The following BRD10 variants were observed in gnomAD, a reference collection of about 807,000 sequenced individuals.
BRD10 encodes the protein bromodomain containing 10.
the BRD10 span, chr9:5,920,897 C>G: frequency 1.9e-6 from 3 of 1,613,926 alleles, no homozygotes; most frequent in South Asian, 3.3e-5. Context: ...ACTTGATGAG[C>G]AAAGTCTATT....
chr9:5,917,156 T>C, the BRD10 span, among the ~76,000 whole-genome samples: 2 of 152,248 alleles, frequency 1.3e-5, no homozygotes, highest in Non-Finnish European at 2.9e-5. Context: ...ATAAGGTTCC[T>C]GAAATTAAAT....
chr9:5,977,915 T>A, the BRD10 span, among the ~76,000 whole-genome samples: 1 of 152,216 alleles, frequency 6.6e-6, no homozygotes, highest in African/African-American at 2.4e-5. Flanking sequence ...TATTCTCATT[T>A]AAAAAATTTA....
the BRD10 span, among the ~76,000 whole-genome samples, chr9:5,940,484 C>T: frequency 2.6e-5 from 4 of 152,146 alleles, no homozygotes; most frequent in East Asian, 1.9e-4. Context: ...TGAGCCACCG[C>T]GCCTGGCCTA....
At chr9:5,879,716 T>C in the BRD10 span, among the ~76,000 whole-genome samples, 3 of 152,158 alleles carry the variant, frequency 2.0e-5, no homozygotes, top group Non-Finnish European at 2.9e-5. Context: ...TGGAAGGAAA[T>C]GCAGAGATAC....
chr9:5,908,829 T>C, the BRD10 span: 4 of 899,312 alleles, frequency 4.4e-6, no homozygotes, highest in African/African-American at 5.0e-5. Flanking sequence ...CCATCTCTAA[T>C]AATAAGTCAG....
the BRD10 span, among the ~76,000 whole-genome samples, chr9:5,954,945 GGGT>G: frequency 3.3e-5 from 5 of 151,902 alleles, no homozygotes; most frequent in African/African-American, 1.2e-4. Context: ...AAAATTAGCC[GGGT>G]GTGGTGGTGC....
chr9:5,952,505 CTGA>C, the BRD10 span, among the ~76,000 whole-genome samples: 1 of 152,168 alleles, frequency 6.6e-6, no homozygotes, highest in Non-Finnish European at 1.5e-5. Context: ...TGTAATTGTG[CTGA>C]TTTCTTTTCT....
At chr9:6,001,217 T>A in the BRD10 span, among the ~76,000 whole-genome samples, 1 of 152,222 alleles carries the variant, frequency 6.6e-6, no homozygotes, top group Admixed American at 6.5e-5. Context: ...TATCTCTTGA[T>A]GGAATTAACT....
At chr9:5,964,923 G>C in the BRD10 span, among the ~76,000 whole-genome samples, 2 of 124,416 alleles carry the variant, frequency 1.6e-5, no homozygotes, top group African/African-American at 6.0e-5. Context: ...GGGGGAGGGG[G>C]GAGGGAGAGC....
the BRD10 span, among the ~76,000 whole-genome samples, chr9:5,960,971 T>G: frequency 6.6e-6 from 1 of 152,222 alleles, no homozygotes; most frequent in South Asian, 2.1e-4. Flanking sequence ...GTATGTATAG[T>G]ATAATCCTAT....
chr9:5,991,724 TAAAAAAA>T, the BRD10 span, among the ~76,000 whole-genome samples: 1 of 118,000 alleles, frequency 8.5e-6, no homozygotes, highest in Non-Finnish European at 1.8e-5. Context: ...GACTCTGTCT[TAAAAAAA>T]AAAAAAAAAA....
the BRD10 span, chr9:5,892,696 G>A: frequency 3.1e-6 from 2 of 639,624 alleles, no homozygotes; most frequent in East Asian, 2.9e-5. Context: ...AAGGGGAGGA[G>A]ATTCTGTGCT....
At chr9:5,915,389 A>G in the BRD10 span, among the ~76,000 whole-genome samples, 2 of 152,170 alleles carry the variant, frequency 1.3e-5, no homozygotes, top group Admixed American at 6.5e-5. Flanking sequence ...ATCTAACTTC[A>G]CAGCAATCCT....
chr9:5,972,539 T>C, the BRD10 span, among the ~76,000 whole-genome samples: 1 of 150,314 alleles, frequency 6.7e-6, no homozygotes, highest in Non-Finnish European at 1.5e-5. Context: ...GGTCCCATTC[T>C]CACTGCAGTG....
At chr9:6,007,515 C>T in the BRD10 span, 5 of 1,612,878 alleles carry the variant, frequency 3.1e-6, no homozygotes, top group East Asian at 2.2e-5. Flanking sequence ...GGTGCTTCTC[C>T]TGCAGGAACT....
the BRD10 span, chr9:5,881,735 T>C: frequency 6.6e-6 from 1 of 152,088 alleles, no homozygotes; most frequent in African/African-American, 2.4e-5. Flanking sequence ...GGCTGATTTC[T>C]TTCAAAATTG....
the BRD10 span, among the ~76,000 whole-genome samples, chr9:5,999,963 T>G: frequency 6.6e-6 from 1 of 152,200 alleles, no homozygotes; most frequent in African/African-American, 2.4e-5. Context: ...TTGTCTGTGT[T>G]CAATTTTTAA....
chr9:5,987,171 C>T, the BRD10 span, among the ~76,000 whole-genome samples: 4 of 151,648 alleles, frequency 2.6e-5, no homozygotes, highest in African/African-American at 9.7e-5. Context: ...ATTAGCCATT[C>T]TTTTTTTTTA....
the BRD10 span, chr9:5,919,512 C>A: frequency 1.8e-6 from 1 of 564,484 alleles, no homozygotes. Flanking sequence ...AAAACAAAGC[C>A]TTGTTGCAAG....
Sources: gnomAD v4.1 joint callset for allele counts (sites outside exome capture counted in the v4.1 genomes callset) on GRCh38, gnomAD v4.1.1 for gene constraint, MANE v1.5 for transcripts, NCBI Gene and HGNC (gene_info 2026-07-23, HGNC 2026-07-21) for gene names.